Variants in HYDIN observed in about 807,000 individuals in gnomAD.
The protein encoded by HYDIN is HYDIN axonemal central pair apparatus protein, also known as axonemal central pair apparatus protein HYDIN.
Under a neutral mutation model 403.9 loss-of-function variants are expected in HYDIN, and 132 were observed. The ratio of observed to expected loss-of-function variants is 0.33; its 90% CI spans 0.28 to 0.38. HYDIN has a LOEUF of 0.38. Among genes scored for constraint, HYDIN ranks in the 10% least tolerant of loss-of-function variants. HYDIN has a pLI of 1.00. For synonymous variants in HYDIN, 1,202 were observed against 1,891.7 expected (o/e 0.64, Z 9.46); for missense variants, 2,827 against 5,009.5 (o/e 0.56, Z 13.15).
intron 2 of HYDIN, among the ~76,000 whole-genome samples, chr16:71,185,262 A>G (rs1597976709): frequency 6.6e-6 from 1 of 152,144 alleles, no homozygotes; most frequent in African/African-American, 2.4e-5. Context: ...CTGAGAGAAA[A>G]AAGTCAAGAA....
At position 71,120,092 on chromosome 16, in the gene HYDIN, GCCTT is replaced by G. The variant is rs749026508; in HGVS notation, c.1228-4301_1228-4298del. Among the ~76,000 whole-genome samples, 859 of 152,032 alleles carry G rather than the reference GCCTT, an allele frequency of 5.7e-3. 5 individuals are homozygous for G. The highest frequency in any genetic ancestry group is 0.01 in the Non-Finnish European group (713 of 67,988). On this transcript the variant is annotated intron_variant, in intron 9 of 85. Transcript: ENST00000393567. ...CGGATCCGCGTCCCCCATTCTGCGA[GCCTT>G]CTACATGTGACCCCTCTCCCATGAC...
intron 85 of HYDIN, 106 bp from the exon 86 acceptor site, chr16:70,808,168 C>T: frequency 8.0e-7 from 1 of 1,252,206 alleles, no homozygotes; most frequent in South Asian, 1.5e-5. Flanking sequence ...GCAACTATGT[C>T]TGTGTGAGAC....
At chr16:71,055,146 C>T (rs1223838471) in intron 18 of HYDIN, among the ~76,000 whole-genome samples, 1 of 152,294 alleles carries the variant, frequency 6.6e-6, no homozygotes, top group Admixed American at 6.5e-5. Flanking sequence ...AGTCCATTTT[C>T]ATAAGCACTG....
Position 71,191,602 on chromosome 16 carries a change from C to A in HYDIN, c.-23-4684G>T, listed in dbSNP as rs1469706592. Among the ~76,000 whole-genome samples the A allele has an allele frequency of 2.6e-5, 4 of 152,278 alleles. No individual in the cohort carries two copies. The East Asian group carries it at 7.7e-4, about 29-fold the overall frequency. On this transcript the variant is annotated intron_variant, in intron 1 of 85. Coordinates refer to ENST00000393567, the MANE Select transcript of HYDIN (RefSeq NM_001270974.2). The stretch of plus-strand genomic sequence containing the variant: ...AGAGAAAACCACACAGCAGCCTAGA[C>A]TCACAACCTTGCAAATTCAGTGTCT...
At chr16:70,956,291 A>G (rs2078233690) in intron 39 of HYDIN, among the ~76,000 whole-genome samples, 1 of 151,802 alleles carries the variant, frequency 6.6e-6, no homozygotes, top group Non-Finnish European at 1.5e-5. Flanking sequence ...TTCAGATATA[A>G]CAGACAAGAG....
chr16:71,228,923 T>C (rs1401222893), intron 1 of HYDIN, among the ~76,000 whole-genome samples: 2 of 152,006 alleles, frequency 1.3e-5, no homozygotes, highest in African/African-American at 4.8e-5. Flanking sequence ...CCATCAACGA[T>C]AGACTGAGTT....
At chr16:70,847,315 T>C (rs1297979968) in intron 75 of HYDIN, among the ~76,000 whole-genome samples, 1 of 152,270 alleles carries the variant, frequency 6.6e-6, no homozygotes, top group Non-Finnish European at 1.5e-5. Context: ...TTAAATCAGA[T>C]AGAAAAAGTT....
Position 71,230,610 on chromosome 16 carries a change from A to G in HYDIN, c.-72T>C. ...TTTATTCTACCTCCATTCCCCGCCAAGACCCCGCGTCCAACTCACAGACCC... is the reference window on the plus strand; with the variant it reads ...TTTATTCTACCTCCATTCCCCGCCAGGACCCCGCGTCCAACTCACAGACCC... On this transcript the variant is annotated 5_prime_UTR_variant, in exon 1 of 86. Transcript: ENST00000393567. 1 of 1,535,978 alleles carries G rather than the reference A, an allele frequency of 6.5e-7. No individual in the cohort carries two copies. Among genetic ancestry groups the G allele is most frequent in the South Asian group, 1.2e-5 (1 of 84,048 alleles).
chr16:71,073,146 T>C (rs1488195241), intron 13 of HYDIN, among the ~76,000 whole-genome samples: 2 of 152,248 alleles, frequency 1.3e-5, no homozygotes, highest in Non-Finnish European at 2.9e-5. Context: ...TTACCCACAG[T>C]AGATAGCTTC....
intron 35 of HYDIN, 115 bp downstream of exon 35, chr16:70,973,228 A>G (rs2078783301): frequency 4.3e-6 from 2 of 465,426 alleles, no homozygotes; most frequent in African/African-American, 3.9e-5. Context: ...ATATTCAGAA[A>G]AGCAAGGCAC....
intron 8 of HYDIN, among the ~76,000 whole-genome samples, chr16:71,130,354 C>T (rs931638380): frequency 2.0e-5 from 3 of 152,016 alleles, no homozygotes; most frequent in African/African-American, 7.3e-5. Flanking sequence ...AGCCTCAGTG[C>T]CTTCTCCTTC....
chr16:70,999,573 GCT>G (rs1248277685), intron 23 of HYDIN, among the ~76,000 whole-genome samples: 1 of 150,458 alleles, frequency 6.6e-6, no homozygotes, highest in Non-Finnish European at 1.5e-5. Context: ...CAAAGCTCAT[GCT>G]CTTAGTGACT....
intron 9 of HYDIN, among the ~76,000 whole-genome samples, chr16:71,123,766 TC>T (rs1249746675): frequency 1.4e-5 from 2 of 147,496 alleles, no homozygotes; most frequent in East Asian, 4.1e-4. Flanking sequence ...CCCATACTGT[TC>T]TCATGGTAGT....
chr16:71,196,673 C>G (rs997759659), intron 1 of HYDIN, among the ~76,000 whole-genome samples: 5 of 152,052 alleles, frequency 3.3e-5, no homozygotes, highest in Admixed American at 3.3e-4. Flanking sequence ...AGTCACAGGA[C>G]GAGATAGAAG....
chr16:71,066,382 A>T (rs1474915478), intron 15 of HYDIN: 1 of 154,810 alleles, frequency 6.5e-6, no homozygotes, highest in Non-Finnish European at 1.4e-5. Flanking sequence ...CACGTGAAAT[A>T]GTGTCAGTTA....
At chr16:71,117,459 C>G (rs1306882572) in intron 9 of HYDIN, among the ~76,000 whole-genome samples, 1 of 151,970 alleles carries the variant, frequency 6.6e-6, no homozygotes, top group Non-Finnish European at 1.5e-5. Context: ...CATGCTCAGT[C>G]AGAACTCAGT....
chr16:71,065,402 G>T (rs1444263827), intron 15 of HYDIN, among the ~76,000 whole-genome samples: 3 of 152,054 alleles, frequency 2.0e-5, no homozygotes, highest in Admixed American at 6.5e-5. Context: ...GGGGTGAGGT[G>T]GGGGGAGAGG....
Position 71,108,680 on chromosome 16 carries a change from C to T in HYDIN, c.1327+7016G>A, listed in dbSNP as rs559576594. Reference sequence around the variant, plus strand: ...ATGCATATTGAAACATCACTATGTACCCCATGAATATGTATGGTTATTATT... The same window carrying T: ...ATGCATATTGAAACATCACTATGTATCCCATGAATATGTATGGTTATTATT... On this transcript the variant is annotated intron_variant, in intron 10 of 85. Coordinates refer to ENST00000393567, the MANE Select transcript of HYDIN (RefSeq NM_001270974.2). 2.9e-3 allele frequency among the ~76,000 whole-genome samples: 440 copies of T among 151,802 alleles called. 3 individuals are homozygous for T. Among genetic ancestry groups the T allele is most frequent in the African/African-American group, 9.9e-3 (411 of 41,352 alleles).
chr16:70,941,981 G>T (rs879212846), intron 42 of HYDIN, among the ~76,000 whole-genome samples, 162 bp from the exon 43 acceptor site: 3 of 140,228 alleles, frequency 2.1e-5, no homozygotes, highest in East Asian at 2.3e-4. Context: ...TAAAATAAAA[G>T]AAAAGAATAA....
Sources: allele counts gnomAD v4.1 joint callset (sites outside exome capture counted in the v4.1 genomes callset), GRCh38; gene constraint gnomAD v4.1.1; transcripts MANE v1.5; gene names NCBI Gene and HGNC (gene_info 2026-07-23, HGNC 2026-07-21).